Variants in CAMTA1 observed in about 807,000 individuals in gnomAD.
CAMTA1 encodes calmodulin-binding transcription activator 1.
CAMTA1 carries 27 observed loss-of-function variants against 170.9 expected under a neutral mutation model. That is an observed-to-expected ratio of 0.16 (90% confidence interval 0.12 to 0.22). The LOEUF is 0.22. Among genes scored for constraint, CAMTA1 ranks in the 10% least tolerant of loss-of-function variants. The pLI is 1.00. For missense variants in CAMTA1, 1,619 were observed against 2,217.2 expected (o/e 0.73, Z 5.42); for synonymous variants, 833 against 891.5 (o/e 0.93, Z 1.17).
At chr1:7,139,276 T>G (rs1207854380) in intron 4 of CAMTA1, among the ~76,000 whole-genome samples, 1 of 142,668 alleles carries the variant, frequency 7.0e-6, no homozygotes, top group East Asian at 2.0e-4. Context: ...ATAATATAAA[T>G]ATATTTATAT....
intron 5 of CAMTA1, among the ~76,000 whole-genome samples, chr1:7,399,547 G>C (rs2089724368): frequency 6.6e-6 from 1 of 152,190 alleles, no homozygotes; most frequent in Non-Finnish European, 1.5e-5. Flanking sequence ...TTCTGAATTT[G>C]ATAACAAATT....
In CAMTA1 at chr1:7,284,191, T is replaced by TATTATC. The variant is rs1557438745; in HGVS notation, c.438+34570_438+34571insCATTAT. On this transcript the variant is annotated intron_variant, in intron 5 of 22. Coordinates refer to ENST00000303635, the MANE Select transcript of CAMTA1 (RefSeq NM_015215.4). ...TTCTTCTTCTTCTTATTATTATTAT[T>TATTATC]ATTATTATTATTATTATTATTATTA... Among the ~76,000 whole-genome samples the TATTATC allele has an allele frequency of 1.9e-4, 26 of 135,528 alleles. 1 individual carries two copies. Among genetic ancestry groups the TATTATC allele is most frequent in the Non-Finnish European group, 2.9e-4 (19 of 64,594 alleles). 88.9% of individuals were successfully genotyped at this position (135,528 alleles called of 152,430 possible).
rs1405951596 is a variant in CAMTA1 at position 7,456,139 on chromosome 1, C to A, written c.439-11691C>A. Among the ~76,000 whole-genome samples, 3 of 150,762 alleles carry A rather than the reference C, an allele frequency of 2.0e-5. No individual in the cohort carries two copies. Among genetic ancestry groups the A allele is most frequent in the African/African-American group, 7.3e-5 (3 of 40,874 alleles). ...GACCTGGTGAAGGGTGAGGGGGTAC[C>A]CATAACAGAGGGATGGAGGAAGGGA... On this transcript the variant is annotated intron_variant, in intron 5 of 22. Transcript: ENST00000303635. The surrounding 1 kb of genome is among the most constrained non-coding windows in gnomAD (Gnocchi z 4.9).
rs370719100 is a variant in CAMTA1, at chr1:7,664,894, G to C, written c.2347G>C (p.Val783Leu). The change falls in exon 9 of 23, where the codon GTG becomes CTG. Residue 783 changes from valine (V) to leucine (L), a missense_variant. By Grantham distance (32) the Val-to-Leu change is conservative. Around this residue, in one of 8 missense-constraint regions of CAMTA1, gnomAD observed 731 missense variants for 907.6 expected, o/e 0.81. Coordinates refer to ENST00000303635, the MANE Select transcript of CAMTA1 (RefSeq NM_015215.4). ...CGACCTGATCAACGACTTCATCTCC[G>C]TGGAGGGGGGCAGCAGCACCATCTA... Reference protein sequence around the residue: ...FSDLINDFISVEGGSSTIYGH... With the variant: ...FSDLINDFISLEGGSSTIYGH... 6 of 1,613,244 alleles carry C rather than the reference G, an allele frequency of 3.7e-6. No homozygotes were observed. The highest frequency in any genetic ancestry group is 4.2e-6 in the Non-Finnish European group (5 of 1,180,006).
intron 5 of CAMTA1, among the ~76,000 whole-genome samples, chr1:7,462,761 C>T (rs556359557): frequency 6.6e-6 from 1 of 152,314 alleles, no homozygotes; most frequent in East Asian, 1.9e-4. Flanking sequence ...CTAGTAACCC[C>T]CGAGGCCACC....
chr1:7,619,735 C>T (rs1370149101), intron 6 of CAMTA1, among the ~76,000 whole-genome samples: 9 of 151,820 alleles, frequency 5.9e-5, no homozygotes, highest in Non-Finnish European at 7.4e-5. Flanking sequence ...CTGCAACCTC[C>T]GCCTCCTGGG....
At chr1:7,390,866 T>C (rs866602157) in intron 5 of CAMTA1, among the ~76,000 whole-genome samples, 8 of 152,356 alleles carry the variant, frequency 5.3e-5, no homozygotes, top group Middle Eastern at 6.8e-3. Flanking sequence ...GCTGGACTTG[T>C]TTAGCCATTT....
chr1:7,301,044 G>A (rs1054732273), intron 5 of CAMTA1, among the ~76,000 whole-genome samples: 3 of 152,178 alleles, frequency 2.0e-5, no homozygotes, highest in Admixed American at 6.5e-5. Context: ...ATGAGTCACA[G>A]TCTGAGCTTA....
At chr1:7,704,270 G>A (rs2096479265) in intron 11 of CAMTA1, among the ~76,000 whole-genome samples, 1 of 146,146 alleles carries the variant, frequency 6.8e-6, no homozygotes, top group Non-Finnish European at 1.5e-5. Context: ...CAGGCAGGGC[G>A]GGCGCGGGGC....
At chr1:7,560,204 T>C (rs2094937890) in intron 6 of CAMTA1, among the ~76,000 whole-genome samples, 2 of 152,194 alleles carry the variant, frequency 1.3e-5, no homozygotes, top group Admixed American at 1.3e-4. Context: ...CTGGCACCTG[T>C]GTGGGATTCT....
intron 5 of CAMTA1, among the ~76,000 whole-genome samples, chr1:7,394,309 A>C (rs2745661): frequency 0.96 from 146,400 of 152,306 alleles, 70,424 homozygotes; most frequent in East Asian, 1. Flanking sequence ...TTCCTACCAA[A>C]AGTGTATGAG....
At chr1:7,573,429 T>C (rs1218128273) in intron 6 of CAMTA1, among the ~76,000 whole-genome samples, 1 of 152,218 alleles carries the variant, frequency 6.6e-6, no homozygotes, top group Non-Finnish European at 1.5e-5. Flanking sequence ...ATAATGGTGT[T>C]TCTATGAAGG....
rs982436960 is a variant in CAMTA1 at position 6,988,622 on chromosome 1, G to A, written c.235-102682G>A. On this transcript the variant is annotated intron_variant, in intron 3 of 22. Coordinates refer to ENST00000303635, the MANE Select transcript of CAMTA1 (RefSeq NM_015215.4). ...CCCCCACCCCCTACCCCTGCGCCAC[G>A]GCAGTTGGCTTTCTCCATCCTTCAG... 9.3e-5 allele frequency among the ~76,000 whole-genome samples: 14 copies of A among 150,224 alleles called. 1 individual carries two copies. The highest frequency in any genetic ancestry group is 3.2e-4 in the African/African-American group (13 of 40,724).
intron 4 of CAMTA1, among the ~76,000 whole-genome samples, chr1:7,103,941 C>T (rs1164932523): frequency 1.4e-5 from 2 of 147,720 alleles, no homozygotes; most frequent in Admixed American, 1.4e-4. Flanking sequence ...TACACACATA[C>T]AGCACACACG....
At chr1:7,151,596 A>G (rs1646582537) in intron 4 of CAMTA1, among the ~76,000 whole-genome samples, 1 of 152,144 alleles carries the variant, frequency 6.6e-6, no homozygotes, top group African/African-American at 2.4e-5. Context: ...GGCACAGCCA[A>G]TTCCTCGCTA....
At chr1:7,712,826 G>A (rs3011934) in intron 11 of CAMTA1, among the ~76,000 whole-genome samples, 71,275 of 140,682 alleles carry the variant, frequency 0.51, 16,856 homozygotes, top group East Asian at 0.68. Context: ...GGCAGAAAGC[G>A]AAGGAGGAGC....
At chr1:7,523,743 C>T (rs1443165127) in intron 6 of CAMTA1, among the ~76,000 whole-genome samples, 6 of 150,626 alleles carry the variant, frequency 4.0e-5, no homozygotes, top group South Asian at 2.1e-4. Context: ...ATTAGCCGGG[C>T]GTGGTAGTGG....
chr1:7,428,112 A>T (rs1255834912), intron 5 of CAMTA1, among the ~76,000 whole-genome samples: 1 of 152,086 alleles, frequency 6.6e-6, no homozygotes, highest in African/African-American at 2.4e-5. Context: ...AGCACGCAGA[A>T]GTGCTATCTG....
chr1:7,365,090 C>G (rs2085861876), intron 5 of CAMTA1, among the ~76,000 whole-genome samples: 1 of 152,214 alleles, frequency 6.6e-6, no homozygotes, highest in Non-Finnish European at 1.5e-5. Context: ...TGACATCCAG[C>G]CAAGCTCACA....
Sources: allele counts gnomAD v4.1 joint callset (sites outside exome capture counted in the v4.1 genomes callset), GRCh38; gene constraint gnomAD v4.1.1; regional missense constraint gnomAD v4.1.1; non-coding constraint Gnocchi (gnomAD v3.1); transcripts MANE v1.5; gene names NCBI Gene and HGNC (gene_info 2026-07-23, HGNC 2026-07-21).